ALPK2: variants seen among roughly 807,000 people sequenced by gnomAD.
ALPK2 encodes the protein alpha kinase 2.
A neutral mutation model predicts 163.1 loss-of-function variants in ALPK2; 127 were observed. That is an observed-to-expected ratio of 0.78 (90% CI 0.67 to 0.90). The LOEUF (loss-of-function observed/expected upper bound fraction) is 0.90. ALPK2 is among the 40% of genes least tolerant of loss of function. The pLI is 0.00. For synonymous variants in ALPK2, 953 were observed against 959.1 expected, an observed-to-expected ratio of 0.99 and a Z score of 0.12; for missense variants, 2,360 against 2,589.6, an observed-to-expected ratio of 0.91 and a Z score of 1.92.
chr18:58,561,336 C>G (rs1206259545), intron 4 of ALPK2, among the ~76,000 whole-genome samples: 2 of 152,066 alleles, frequency 1.3e-5, no homozygotes, highest in Non-Finnish European at 2.9e-5. Flanking sequence ...TGAAATAAGC[C>G]ACATTGGAAC....
intron 9 of ALPK2, 138 bp downstream of exon 9, chr18:58,516,770 G>T: frequency 9.5e-7 from 1 of 1,057,352 alleles, no homozygotes; most frequent in Non-Finnish European, 1.4e-6. Flanking sequence ...CCCCAGCATT[G>T]AGATTGAATT....
chr18:58,583,359 TG>T (rs1022652310), intron 3 of ALPK2, among the ~76,000 whole-genome samples: 3 of 152,124 alleles, frequency 2.0e-5, no homozygotes, highest in Non-Finnish European at 4.4e-5. Context: ...TGTCATGGCC[TG>T]AACTAGTTTT....
At chr18:58,582,565 G>GAAAA (rs35678950) in intron 3 of ALPK2, among the ~76,000 whole-genome samples, 6 of 134,824 alleles carry the variant, frequency 4.5e-5, no homozygotes, top group Admixed American at 1.5e-4. Flanking sequence ...GATTGTTGGC[G>GAAAA]AAAAAAAAAA....
At chr18:58,534,762 G>C in intron 5 of ALPK2, 72 bp downstream of exon 5, 2 of 1,519,220 alleles carry the variant, frequency 1.3e-6, no homozygotes, top group East Asian at 4.5e-5. Flanking sequence ...AAGGACCCTC[G>C]AGGACACAGG....
At chr18:58,497,347 C>T (rs1229805649) in intron 12 of ALPK2, among the ~76,000 whole-genome samples, 1 of 152,188 alleles carries the variant, frequency 6.6e-6, no homozygotes, top group African/African-American at 2.4e-5. Context: ...GTGGTTCCAA[C>T]ACAGAATTGC....
At position 58,537,452 on chromosome 18, in the gene ALPK2, G is replaced by T; in HGVS notation, c.2735C>A (p.Ala912Asp). 2 of 1,612,424 alleles carry T rather than the reference G, an allele frequency of 1.2e-6. No individual in the cohort carries two copies. The highest frequency in any genetic ancestry group is 1.1e-5 in the South Asian group (1 of 90,870). The stretch of plus-strand genomic sequence containing the variant: ...TGGGTAGGTGGAATTCTCCACCTTG[G>T]CTAGATTTTCTCCTGTGGCACCTTC... ...ASEGATGENL[A>D]KVENSTYPLA... The change falls in exon 5 of 13, where the codon GCC becomes GAC. Residue 912 changes from alanine (A) to aspartate (D), a missense_variant. Transcript: ENST00000361673.
At chr18:58,508,333 G>C (rs902142025) in intron 10 of ALPK2, among the ~76,000 whole-genome samples, 42 of 152,182 alleles carry the variant, frequency 2.8e-4, no homozygotes, top group African/African-American at 9.7e-4. Flanking sequence ...GTGTGAACCA[G>C]AGCAGCTCCA....
intron 3 of ALPK2, among the ~76,000 whole-genome samples, chr18:58,605,132 A>G (rs2052091076): frequency 6.6e-6 from 1 of 152,208 alleles, no homozygotes; most frequent in African/African-American, 2.4e-5. Context: ...AAAGAAGTTC[A>G]GTGTGTAGAT....
intron 4 of ALPK2, among the ~76,000 whole-genome samples, chr18:58,548,327 GT>G (rs144781600): frequency 9.6e-4 from 139 of 144,360 alleles, no homozygotes; most frequent in African/African-American, 2.5e-3. Flanking sequence ...CCTGTGTTTT[GT>G]TTTTTTTTTT....
rs1391031916 is a variant in ALPK2, at chr18:58,537,438, A to C, written c.2749T>G (p.Ser917Ala). The C allele has an allele frequency of 4.3e-6, 7 of 1,612,942 alleles. No individual in the cohort carries two copies. Among genetic ancestry groups the C allele is most frequent in the Middle Eastern group, 3.3e-4 (2 of 6,078 alleles). The change falls in exon 5 of 13, where the codon TCC (serine) becomes GCC (alanine). Residue 917 changes from serine to alanine, a missense_variant. Physicochemically the swap from Ser to Ala is moderately conservative, Grantham distance 99. Transcript: ENST00000361673. Reference sequence around the variant, plus strand: ...ACTGTGGAGGCCAGTGGGTAGGTGGAATTCTCCACCTTGGCTAGATTTTCT... The same window carrying C: ...ACTGTGGAGGCCAGTGGGTAGGTGGCATTCTCCACCTTGGCTAGATTTTCT... ...TGENLAKVEN[S>A]TYPLASTVHA...
chr18:58,523,393 A>G (rs1162222672), intron 8 of ALPK2, among the ~76,000 whole-genome samples: 1 of 152,158 alleles, frequency 6.6e-6, no homozygotes, highest in Admixed American at 6.5e-5. Context: ...ATGTGTCTTT[A>G]TAACAGCATG....
intron 4 of ALPK2, chr18:58,578,317 G>A (rs1258272549): frequency 6.5e-6 from 1 of 152,824 alleles, no homozygotes; most frequent in East Asian, 1.9e-4. Flanking sequence ...CAGACACACT[G>A]AAGTCTTTCA....
intron 4 of ALPK2, chr18:58,544,123 A>G (rs1360383343): frequency 1.3e-5 from 2 of 152,236 alleles, no homozygotes; most frequent in South Asian, 2.1e-4. Context: ...TGCTGAATGA[A>G]TAAGCAGATG....
intron 3 of ALPK2, among the ~76,000 whole-genome samples, chr18:58,584,718 A>G (rs1286735207): frequency 2.6e-5 from 4 of 152,206 alleles, no homozygotes; most frequent in Non-Finnish European, 4.4e-5. Flanking sequence ...CTAAAAATTG[A>G]CTGAAGGAAA....
chr18:58,547,565 C>A (rs1188277470), intron 4 of ALPK2, among the ~76,000 whole-genome samples: 1 of 152,206 alleles, frequency 6.6e-6, no homozygotes, highest in African/African-American at 2.4e-5. Flanking sequence ...AGACCTAGTC[C>A]AAGCCAGTGA....
At chr18:58,601,453 T>C (rs2052069212) in intron 3 of ALPK2, among the ~76,000 whole-genome samples, 1 of 152,212 alleles carries the variant, frequency 6.6e-6, no homozygotes, top group African/African-American at 2.4e-5. Flanking sequence ...TTTGCCACTC[T>C]TCAAAAGTAG....
intron 1 of ALPK2, among the ~76,000 whole-genome samples, chr18:58,625,463 G>C (rs2052224826): frequency 6.6e-6 from 1 of 152,204 alleles, no homozygotes; most frequent in South Asian, 2.1e-4. Context: ...TTCTCAGAGT[G>C]GCCCCTGGGC....
chr18:58,602,365 C>T (rs148789333), intron 3 of ALPK2, among the ~76,000 whole-genome samples: 1 of 152,324 alleles, frequency 6.6e-6, no homozygotes, highest in East Asian at 1.9e-4. Flanking sequence ...CAAAAAGCAA[C>T]AGAAATTTAT....
chr18:58,594,754 C>A (rs568219872), intron 3 of ALPK2, among the ~76,000 whole-genome samples: 2 of 152,310 alleles, frequency 1.3e-5, no homozygotes, highest in Admixed American at 6.5e-5. Context: ...CTTTCACTCC[C>A]CTTTCACGTC....
Sources: allele counts gnomAD v4.1 joint callset (sites outside exome capture counted in the v4.1 genomes callset), GRCh38; gene constraint gnomAD v4.1.1; transcripts MANE v1.5; gene names NCBI Gene and HGNC (gene_info 2026-07-23, HGNC 2026-07-21).